The following PTAFR variants were observed in gnomAD, a reference collection of about 807,000 sequenced individuals.
The protein encoded by PTAFR is platelet-activating factor receptor.
A neutral mutation model predicts 14.7 loss-of-function variants in PTAFR; 8 were observed. That is an observed-to-expected ratio of 0.54 (90% CI 0.32 to 0.98). PTAFR has a LOEUF of 0.98. Ranked by LOEUF, PTAFR falls within the 50% of genes least tolerant of loss-of-function variation. The pLI is 0.04. For synonymous variants in PTAFR, 156 were observed against 176.5 expected, an observed-to-expected ratio of 0.88 and a Z score of 0.92; for missense variants, 337 against 451.2, an observed-to-expected ratio of 0.75 and a Z score of 2.29.
At chr1:28,175,729 A>G (rs566303211) in intron 1 of PTAFR, among the ~76,000 whole-genome samples, 1 of 151,378 alleles carries the variant, frequency 6.6e-6, no homozygotes, top group Non-Finnish European at 1.5e-5. Context: ...CCCCTTCCCC[A>G]CCCCGCAAAC....
intron 1 of PTAFR, among the ~76,000 whole-genome samples, chr1:28,163,941 G>A (rs536250944): frequency 1.3e-5 from 2 of 152,384 alleles, no homozygotes; most frequent in East Asian, 3.9e-4. Flanking sequence ...TCGAGGCTGG[G>A]CAGCTGGCCC....
intron 1 of PTAFR, among the ~76,000 whole-genome samples, chr1:28,187,005 G>A (rs1303393034): frequency 6.6e-6 from 1 of 152,134 alleles, no homozygotes; most frequent in Non-Finnish European, 1.5e-5. Flanking sequence ...TGCACAGGCT[G>A]GTCTTGAACT....
intron 1 of PTAFR, among the ~76,000 whole-genome samples, chr1:28,187,529 C>CA (rs1214498311): frequency 6.6e-6 from 1 of 151,934 alleles, no homozygotes; most frequent in African/African-American, 2.4e-5. Context: ...TTTTTTAAGA[C>CA]AGAGTCTCGC....
chr1:28,156,851 G>A (rs1646269098), intron 1 of PTAFR, among the ~76,000 whole-genome samples: 1 of 152,152 alleles, frequency 6.6e-6, no homozygotes, highest in South Asian at 2.1e-4. Flanking sequence ...TCCAGGGCAT[G>A]GAGGCATATT....
upstream of PTAFR, chr1:28,177,210 G>C (rs914738096): frequency 1.3e-5 from 2 of 152,422 alleles, no homozygotes; most frequent in African/African-American, 4.8e-5. Flanking sequence ...GGGTCTGTGC[G>C]TCTCTGGATG....
intron 1 of PTAFR, among the ~76,000 whole-genome samples, chr1:28,165,409 AAAAAAAAAAAAAAAAAGG>A (rs1646374024): frequency 6.7e-6 from 1 of 149,344 alleles, no homozygotes; most frequent in South Asian, 2.1e-4. Flanking sequence ...GTCTCAAAAA[AAAAAAAAAAAAAAAAAGG>A]AAAAAAAAAA....
intron 1 of PTAFR, among the ~76,000 whole-genome samples, chr1:28,156,836 C>T (rs1317067233): frequency 6.6e-6 from 1 of 152,162 alleles, no homozygotes; most frequent in Non-Finnish European, 1.5e-5. Flanking sequence ...CTTGGGGGTC[C>T]TGTTTCCAGG....
At chr1:28,173,470 C>A (rs929091581) in intron 1 of PTAFR, among the ~76,000 whole-genome samples, 2 of 150,224 alleles carry the variant, frequency 1.3e-5, no homozygotes, top group African/African-American at 4.9e-5. Flanking sequence ...CAAAACAAAA[C>A]AAAAACAAAA....
chr1:28,168,549 T>C (rs1646417093), intron 1 of PTAFR, among the ~76,000 whole-genome samples: 1 of 152,194 alleles, frequency 6.6e-6, no homozygotes, highest in Admixed American at 6.5e-5. Flanking sequence ...ATGAGACATT[T>C]AAAGTAATCA....
rs1041980 is a variant in PTAFR, at chr1:28,150,551, G to A, written c.471C>T (p.Ser157=). 2 of 1,614,210 alleles carry A rather than the reference G, an allele frequency of 1.2e-6. No individual in the cohort carries two copies. The highest frequency in any genetic ancestry group is 1.7e-6 in the Non-Finnish European group (2 of 1,180,032). ...GAASYFLILD[S]TNTVPDSAGS... is the part of the protein sequence containing the mutation. The stretch of plus-strand genomic sequence containing the variant: ...CAGCACTGTCGGGCACTGTGTTGGT[G>A]GAGTCCAGGATGAGGAAGTAGGATG... The change falls in exon 2 of 2, where the codon TCC becomes TCT. Residue 157 remains serine, a synonymous_variant. Transcript: ENST00000373857. This position sits in a 1 kb window ranked among gnomAD's most constrained non-coding sequence, Gnocchi z 6.3.
chr1:28,174,646 G>A (rs1257802231), intron 1 of PTAFR, among the ~76,000 whole-genome samples: 3 of 152,178 alleles, frequency 2.0e-5, no homozygotes, highest in African/African-American at 7.2e-5. Flanking sequence ...CTCACCGTCC[G>A]TTCCCTTCCA....
chr1:28,166,936 C>T (rs928969287), intron 1 of PTAFR, among the ~76,000 whole-genome samples: 3 of 152,048 alleles, frequency 2.0e-5, no homozygotes, highest in Non-Finnish European at 4.4e-5. Flanking sequence ...ATGATCATGC[C>T]ACTGTACTCC....
intron 1 of PTAFR, among the ~76,000 whole-genome samples, chr1:28,158,138 A>T (rs1646286608): frequency 6.6e-6 from 1 of 152,144 alleles, no homozygotes; most frequent in Non-Finnish European, 1.5e-5. Context: ...TCAGAAATAG[A>T]TAAGCGGGCG....
upstream of PTAFR, among the ~76,000 whole-genome samples, chr1:28,181,397 A>G (rs1054166918): frequency 6.6e-6 from 1 of 152,174 alleles, no homozygotes; most frequent in Non-Finnish European, 1.5e-5. Flanking sequence ...ATAGGGATGC[A>G]CTCAACAAAC....
intron 1 of PTAFR, among the ~76,000 whole-genome samples, chr1:28,183,058 T>C (rs957841409): frequency 6.6e-6 from 1 of 152,208 alleles, no homozygotes; most frequent in Non-Finnish European, 1.5e-5. Context: ...GTTTGTTTTT[T>C]AAAGCAATAC....
chr1:28,187,779 A>C (rs772902815), intron 1 of PTAFR, among the ~76,000 whole-genome samples: 1 of 152,252 alleles, frequency 6.6e-6, no homozygotes, highest in Non-Finnish European at 1.5e-5. Flanking sequence ...CACCATGCCC[A>C]GCCAAGAAAA....
chr1:28,180,559 T>C (rs1646554189), upstream of PTAFR, among the ~76,000 whole-genome samples: 1 of 152,124 alleles, frequency 6.6e-6, no homozygotes, highest in East Asian at 1.9e-4. Flanking sequence ...CAGGGCAGCC[T>C]CCGGGGCAAG....
chr1:28,158,510 CA>C (rs1166917359), intron 1 of PTAFR, among the ~76,000 whole-genome samples: 2 of 152,114 alleles, frequency 1.3e-5, no homozygotes, highest in African/African-American at 4.8e-5. Flanking sequence ...CCAGCCTGAC[CA>C]ACATGGTGAA....
upstream of PTAFR, among the ~76,000 whole-genome samples, chr1:28,180,665 A>G (rs1453170608): frequency 1.3e-5 from 2 of 152,184 alleles, no homozygotes; most frequent in African/African-American, 4.8e-5. Context: ...GGACAGACAT[A>G]CCTGAGAAAA....
Sources: gnomAD v4.1 joint callset for allele counts (sites outside exome capture counted in the v4.1 genomes callset) on GRCh38, gnomAD v4.1.1 for gene constraint, Gnocchi (gnomAD v3.1) non-coding constraint, MANE v1.5 for transcripts, NCBI Gene and HGNC (gene_info 2026-07-23, HGNC 2026-07-21) for gene names.